Variants in MPDZ observed in about 807,000 individuals in gnomAD.
The protein encoded by MPDZ is multiple PDZ domain protein.
Under a neutral mutation model 239.1 loss-of-function variants are expected in MPDZ, and 234 were observed. The observed-to-expected ratio is 0.98, with a 90% CI of 0.88 to 1.09. The LOEUF (loss-of-function observed/expected upper bound fraction) is 1.09. Ranked by LOEUF, MPDZ falls within the 50% of genes least tolerant of loss-of-function variation. The pLI is 0.00. For missense variants in MPDZ, 3,175 were observed against 2,510.0 expected, an observed-to-expected ratio of 1.26 and a Z score of -5.66; for synonymous variants, 1,048 against 881.3, an observed-to-expected ratio of 1.19 and a Z score of -3.35.
chr9:13,136,279 C>T (rs1946731667), intron 30 of MPDZ, 97 bp from the exon 31 acceptor site: 1 of 649,762 alleles, frequency 1.5e-6, no homozygotes, highest in South Asian at 2.4e-5. Flanking sequence ...AATTATTTAA[C>T]CCCCAAAACC....
rs1554669707 is a variant in MPDZ, at chr9:13,160,859, T to TATATATATAA, written c.3359+1831_3359+1832insTTATATATAT. On this transcript the variant is annotated intron_variant, in intron 23 of 46. Transcript: ENST00000319217. ...ATATATATATATATATATATATATA[T>TATATATATAA]ATATATATATAAAACAGGTACTTAC... Among the ~76,000 whole-genome samples, 101 of 120,894 alleles carry TATATATATAA rather than the reference T, an allele frequency of 8.4e-4. 1 individual carries two copies. Among genetic ancestry groups the TATATATATAA allele is most frequent in the Admixed American group, 9.7e-4 (12 of 12,352 alleles). 79.3% of individuals were successfully genotyped at this position (120,894 alleles called of 152,430 possible). A position where few individuals can be genotyped will look rare whatever the true frequency, so the allele number is the denominator to read the frequency against.
At chr9:13,279,287 A>ACCCCCCCCCCCGCCCCCG (rs1564192482) in intron 1 of MPDZ, 113 bp downstream of exon 1, 1 of 38,520 alleles carries the variant, frequency 2.6e-5, no homozygotes, top group East Asian at 8.5e-4. Flanking sequence ...CCCCGCCCCC[A>ACCCCCCCCCCCGCCCCCG]CCCCCACCCC....
chr9:13,171,519 C>T (rs1182620851), intron 21 of MPDZ, among the ~76,000 whole-genome samples: 1 of 152,152 alleles, frequency 6.6e-6, no homozygotes, highest in Non-Finnish European at 1.5e-5. Context: ...AAGATAAAGA[C>T]TTCCTTTCTT....
At chr9:13,157,312 T>A (rs1360697404) in intron 24 of MPDZ, among the ~76,000 whole-genome samples, 1 of 152,202 alleles carries the variant, frequency 6.6e-6, no homozygotes, top group South Asian at 2.1e-4. Flanking sequence ...TTGTTTCATG[T>A]GTCTCTACAT....
intron 24 of MPDZ, among the ~76,000 whole-genome samples, chr9:13,154,961 G>A (rs1006522978): frequency 9.2e-5 from 14 of 152,174 alleles, no homozygotes; most frequent in Admixed American, 6.5e-5. Flanking sequence ...GCTCATGCCT[G>A]TAATCCCAGC....
chr9:13,216,572 T>C (rs2136118589), intron 10 of MPDZ, among the ~76,000 whole-genome samples: 1 of 152,068 alleles, frequency 6.6e-6, no homozygotes, highest in East Asian at 1.9e-4. Context: ...CGTTTGGAAC[T>C]GAGATGAGTA....
intron 45 of MPDZ, 112 bp downstream of exon 45, chr9:13,109,840 T>G: frequency 2.5e-6 from 2 of 803,470 alleles, no homozygotes; most frequent in Non-Finnish European, 4.1e-6. Context: ...TCATATATCC[T>G]ATCATTTTAC....
chr9:13,225,025 C>G (rs2136417636), intron 3 of MPDZ, among the ~76,000 whole-genome samples: 1 of 152,144 alleles, frequency 6.6e-6, no homozygotes, highest in Non-Finnish European at 1.5e-5. Context: ...AAACTCGGAG[C>G]TGAATTTTAA....
In MPDZ at chr9:13,106,184, T is replaced by C. The variant is rs1941443221; in HGVS notation, c.*781A>G. The C allele has an allele frequency of 6.6e-6, 1 of 152,196 alleles. No individual in the cohort carries two copies. Among genetic ancestry groups the C allele is most frequent in the Non-Finnish European group, 1.5e-5 (1 of 68,034 alleles). The allele number at this position is 152,196 out of a possible 1,614,324, so 9.4% of individuals were successfully genotyped here. ...GTTCCTCTATGGTTAGCAGCATAGTTGCTTTCTAGAAAAACCATAGTCAAC... is the reference window on the plus strand; with the variant it reads ...GTTCCTCTATGGTTAGCAGCATAGTCGCTTTCTAGAAAAACCATAGTCAAC... On this transcript the variant is annotated 3_prime_UTR_variant, in exon 47 of 47. Transcript: ENST00000319217.
intron 3 of MPDZ, among the ~76,000 whole-genome samples, chr9:13,232,139 C>T (rs1962671661): frequency 1.3e-5 from 2 of 152,036 alleles, no homozygotes; most frequent in African/African-American, 4.8e-5. Flanking sequence ...GAAACAAAAA[C>T]TGTAATTATT....
chr9:13,156,300 AT>A (rs571147615), intron 24 of MPDZ, among the ~76,000 whole-genome samples: 76 of 152,292 alleles, frequency 5.0e-4, no homozygotes, highest in Admixed American at 1.2e-3. Flanking sequence ...GACACCAACC[AT>A]TTTGCATACT....
At chr9:13,154,736 A>G (rs1949617385) in intron 24 of MPDZ, among the ~76,000 whole-genome samples, 1 of 152,192 alleles carries the variant, frequency 6.6e-6, no homozygotes, top group African/African-American at 2.4e-5. Flanking sequence ...AACTCAATCC[A>G]TACAACAAAT....
At chr9:13,156,959 C>G in intron 24 of MPDZ, among the ~76,000 whole-genome samples, 1 of 152,078 alleles carries the variant, frequency 6.6e-6, no homozygotes, top group East Asian at 1.9e-4. Context: ...AGTTAAGTGA[C>G]TTTTGATGAA....
chr9:13,274,353 C>T (rs1164410858), intron 1 of MPDZ, among the ~76,000 whole-genome samples: 1 of 150,880 alleles, frequency 6.6e-6, no homozygotes, highest in Non-Finnish European at 1.5e-5. Flanking sequence ...ATTTATAGCA[C>T]CTTGGATCTG....
At chr9:13,186,502 A>G (rs940575321) in intron 17 of MPDZ, 116 bp from the exon 18 acceptor site, 5 of 671,752 alleles carry the variant, frequency 7.4e-6, no homozygotes, top group Admixed American at 4.8e-5. Flanking sequence ...AAGAAATTGG[A>G]AAGTTTTCAA....
At chr9:13,213,674 T>C (rs1282787448) in intron 10 of MPDZ, among the ~76,000 whole-genome samples, 1 of 152,028 alleles carries the variant, frequency 6.6e-6, no homozygotes, top group Admixed American at 6.6e-5. Flanking sequence ...TATTGATGAG[T>C]GAAGTCAAGT....
intron 36 of MPDZ, 30 bp downstream of exon 36, chr9:13,123,123 T>C: frequency 1.9e-6 from 3 of 1,584,758 alleles, no homozygotes; most frequent in Non-Finnish European, 2.6e-6. Context: ...AAGGACGGCC[T>C]GTACAGAAGC....
intron 1 of MPDZ, among the ~76,000 whole-genome samples, chr9:13,253,689 C>G (rs138865237): frequency 5.5e-4 from 84 of 152,268 alleles, no homozygotes; most frequent in African/African-American, 1.9e-3. Flanking sequence ...ATGGCAAGTT[C>G]TGAGGAATTT....
chr9:13,184,248 CT>C (rs1295932118), intron 18 of MPDZ, among the ~76,000 whole-genome samples: 1 of 151,910 alleles, frequency 6.6e-6, no homozygotes, highest in Admixed American at 6.6e-5. Flanking sequence ...CTATTGCTGT[CT>C]TCTGTCACAG....
Sources: allele counts gnomAD v4.1 joint callset (sites outside exome capture counted in the v4.1 genomes callset), GRCh38; gene constraint gnomAD v4.1.1; transcripts MANE v1.5; gene names NCBI Gene and HGNC (gene_info 2026-07-23, HGNC 2026-07-21).